The following SERINC1 variants were observed in gnomAD, a reference collection of about 807,000 sequenced individuals.
SERINC1 encodes the protein tumor differentially expressed protein 2.
In SERINC1, 38 loss-of-function variants were observed where a neutral mutation model predicts 52.9. The ratio of observed to expected loss-of-function variants is 0.72; its 90% confidence interval spans 0.55 to 0.94. SERINC1 has a LOEUF of 0.94. Ranked by LOEUF, SERINC1 falls within the 40% of genes least tolerant of loss-of-function variation. The probability of loss-of-function intolerance (pLI) is 0.00; values close to 1 mark genes in which losing one functional copy is unlikely to be tolerated. For synonymous variants in SERINC1, 198 were observed against 183.1 expected, an observed-to-expected ratio of 1.08 and a Z score of -0.66; for missense variants, 471 against 533.9, an observed-to-expected ratio of 0.88 and a Z score of 1.16.
intron 1 of SERINC1, among the ~76,000 whole-genome samples, chr6:122,461,781 T>G (rs73541160): frequency 1.4e-3 from 210 of 150,938 alleles, no homozygotes; most frequent in African/African-American, 4.9e-3. Context: ...CTACCAGAAA[T>G]GTTGAAGGAA....
intron 7 of SERINC1, among the ~76,000 whole-genome samples, chr6:122,447,836 C>G (rs971169820): frequency 1.3e-5 from 2 of 152,100 alleles, no homozygotes; most frequent in Non-Finnish European, 2.9e-5. Context: ...AGAAAGTAGG[C>G]AAGGTGCGGT....
At position 122,458,528 on chromosome 6, in the gene SERINC1, G is replaced by C; in HGVS notation, c.193C>G (p.Leu65Val). 1.9e-6 allele frequency: 3 copies of C among 1,611,534 alleles called. No individual in the cohort carries two copies. The highest frequency in any genetic ancestry group is 2.5e-6 in the Non-Finnish European group (3 of 1,178,066). ...TAAGAAACGAGACTAACCTTATTCA[G>C]TTGTTCTTCCATTCCTGGTATCAAC... Reference protein sequence around the residue: ...VMLIPGMEEQLNKIPGFCENE... With the variant: ...VMLIPGMEEQVNKIPGFCENE... Residue 65 changes from leucine (L) to valine (V), a missense_variant, in exon 2 of 10, where the codon CTG (leucine) becomes GTG (valine). Transcript: ENST00000339697.
intron 1 of SERINC1, among the ~76,000 whole-genome samples, chr6:122,470,873 G>A (rs1775280103): frequency 6.6e-6 from 1 of 151,814 alleles, no homozygotes; most frequent in Non-Finnish European, 1.5e-5. Flanking sequence ...ATTTTGGAGG[G>A]GGCAGAGATT....
At chr6:122,467,895 T>A (rs1186701839) in intron 1 of SERINC1, among the ~76,000 whole-genome samples, 6 of 152,178 alleles carry the variant, frequency 3.9e-5, no homozygotes, top group African/African-American at 1.2e-4. Flanking sequence ...GACTGCTAAA[T>A]CTTCGTCTTC....
intron 1 of SERINC1, among the ~76,000 whole-genome samples, chr6:122,466,659 G>C (rs945554360): frequency 2.0e-5 from 3 of 152,062 alleles, no homozygotes; most frequent in African/African-American, 7.2e-5. Context: ...TTCAACAGAA[G>C]TCCAATCAGT....
chr6:122,471,581 G>A (rs919191953), intron 1 of SERINC1, 118 bp downstream of exon 1: 8 of 1,206,500 alleles, frequency 6.6e-6, no homozygotes, highest in Non-Finnish European at 9.8e-6. Flanking sequence ...GGGACAGAGA[G>A]GGCACTCCCT....
chr6:122,445,835 G>A (rs1444301265), intron 9 of SERINC1, among the ~76,000 whole-genome samples: 1 of 118,500 alleles, frequency 8.4e-6, no homozygotes, highest in East Asian at 2.7e-4. Context: ...AGTGAGCTGA[G>A]ATCAAGCCAC....
intron 4 of SERINC1, 72 bp downstream of exon 4, chr6:122,454,079 G>C: frequency 8.3e-7 from 1 of 1,200,800 alleles, no homozygotes; most frequent in South Asian, 1.4e-5. Context: ...AACAATTATA[G>C]TTCCAGGTGA....
intron 1 of SERINC1, among the ~76,000 whole-genome samples, chr6:122,462,989 C>A (rs1775129062): frequency 6.6e-6 from 1 of 152,060 alleles, no homozygotes; most frequent in South Asian, 2.1e-4. Flanking sequence ...AGGCAAAAAA[C>A]ACCAGAATAG....
In SERINC1 at chr6:122,447,228, G is replaced by A; in HGVS notation, c.888C>T (p.Gly296=). ...TTGGGACAGTGCTTGTTGTATTGTA[G>A]CCAATTATGCTTAGTAGACTTGGGT... ...NCNPSLLSII[G]YNTTSTVPKE... The change falls in exon 8 of 10, where the codon GGC becomes GGT. Residue 296 remains glycine (G), a synonymous_variant. Transcript: ENST00000339697. 6.2e-7 allele frequency: 1 copy of A among 1,612,416 alleles called. No homozygotes were observed. Among genetic ancestry groups the A allele is most frequent in the East Asian group, 2.2e-5 (1 of 44,856 alleles).
chr6:122,446,236 A>G (rs1225121776), intron 9 of SERINC1, among the ~76,000 whole-genome samples: 1 of 152,060 alleles, frequency 6.6e-6, no homozygotes, highest in Non-Finnish European at 1.5e-5. Context: ...AGATTTATGG[A>G]TTAAGTTTGA....
In SERINC1 at chr6:122,454,631, G is replaced by T. The variant is rs140854842; in HGVS notation, c.372-401C>A. ...AAGGGAAATGATAAGACATTTTGGG[G>T]ACTACTGGACACTGGCTCTGAGCTG... On this transcript the variant is annotated intron_variant, in intron 3 of 9. Coordinates refer to ENST00000339697, the MANE Select transcript of SERINC1 (RefSeq NM_020755.4). The T allele has an allele frequency of 3.7e-4, 63 of 172,194 alleles. 1 individual carries two copies. The East Asian group carries it at 0.01, about 28-fold the overall frequency. The allele number at this position is 172,194 out of a possible 1,614,324, so 10.7% of individuals were successfully genotyped here. A position where few individuals can be genotyped will look rare whatever the true frequency, so the allele number is the denominator to read the frequency against.
intron 1 of SERINC1, among the ~76,000 whole-genome samples, chr6:122,469,863 G>A (rs1775246332): frequency 6.6e-6 from 1 of 152,042 alleles, no homozygotes; most frequent in Non-Finnish European, 1.5e-5. Flanking sequence ...GGCTCTGAGT[G>A]TTACTTTTGA....
rs987697010 is a variant in SERINC1, at chr6:122,443,493, T to C, written c.*1551A>G. ...TAATAAATATTTTTAAAGAAGAAAT[T>C]GTAGATTTTAAAAGCTTCATTAGAC... On this transcript the variant is annotated 3_prime_UTR_variant, in exon 10 of 10. Coordinates refer to ENST00000339697, the MANE Select transcript of SERINC1 (RefSeq NM_020755.4). The C allele has an allele frequency of 2.0e-5, 3 of 152,210 alleles. No homozygotes were observed. Among genetic ancestry groups the C allele is most frequent in the South Asian group, 2.1e-4 (1 of 4,826 alleles). 9.4% of individuals were successfully genotyped at this position (152,210 alleles called of 1,614,324 possible). A position where few individuals can be genotyped will look rare whatever the true frequency, so the allele number is the denominator to read the frequency against.
At chr6:122,471,308 T>G (rs1203062758) in intron 1 of SERINC1, among the ~76,000 whole-genome samples, 2 of 149,420 alleles carry the variant, frequency 1.3e-5, no homozygotes, top group Non-Finnish European at 3.0e-5. Context: ...GACAACAGAG[T>G]GGGTACCCCA....
At chr6:122,453,706 C>A in intron 5 of SERINC1, 64 bp downstream of exon 5, 1 of 1,379,036 alleles carries the variant, frequency 7.3e-7, no homozygotes, top group Non-Finnish European at 9.8e-7. Flanking sequence ...TTTACCTAGT[C>A]TACATATCTA....
intron 5 of SERINC1, 147 bp downstream of exon 5, chr6:122,453,623 G>T: frequency 1.9e-6 from 1 of 534,456 alleles, no homozygotes; most frequent in Non-Finnish European, 3.1e-6. Flanking sequence ...GATACAATGT[G>T]ATATTTTGAC....
At chr6:122,454,653 G>A (rs1446976311) in intron 3 of SERINC1, 4 of 160,116 alleles carry the variant, frequency 2.5e-5, no homozygotes, top group South Asian at 1.9e-4. Context: ...CTGGCTCTGA[G>A]CTGACATTGA....
intron 1 of SERINC1, among the ~76,000 whole-genome samples, chr6:122,462,106 A>G (rs1383697380): frequency 1.3e-5 from 2 of 152,214 alleles, no homozygotes; most frequent in Non-Finnish European, 2.9e-5. Flanking sequence ...TCTACTGTAT[A>G]AACAGACTAA....
Sources: gnomAD v4.1 joint callset for allele counts (sites outside exome capture counted in the v4.1 genomes callset) on GRCh38, gnomAD v4.1.1 for gene constraint, MANE v1.5 for transcripts, NCBI Gene and HGNC (gene_info 2026-07-23, HGNC 2026-07-21) for gene names.